Variants in HIP1 observed in about 807,000 individuals in gnomAD.
HIP1 encodes huntingtin-interacting protein 1.
A neutral mutation model predicts 147.6 loss-of-function variants in HIP1; 65 were observed. The ratio of observed to expected loss-of-function variants is 0.44; its 90% confidence interval spans 0.36 to 0.54. The LOEUF (loss-of-function observed/expected upper bound fraction) is 0.54, where lower values mean the gene tolerates loss of function less well. HIP1 is among the 20% of genes least tolerant of loss of function. The pLI is 0.00. For synonymous variants in HIP1, 479 were observed against 504.0 expected, an observed-to-expected ratio of 0.95 and a Z score of 0.67; for missense variants, 1,061 against 1,299.6, an observed-to-expected ratio of 0.82 and a Z score of 2.82.
chr7:75,730,507 T>A (rs1196626698), intron 1 of HIP1, among the ~76,000 whole-genome samples: 2 of 150,898 alleles, frequency 1.3e-5, no homozygotes, highest in South Asian at 2.1e-4. Flanking sequence ...GCCCAGCTAA[T>A]TTTGTATTTT....
intron 1 of HIP1, chr7:75,611,972 T>C (rs966170247): frequency 2.9e-6 from 2 of 696,062 alleles, no homozygotes; most frequent in Non-Finnish European, 3.6e-6. Context: ...TGGCCTTGCT[T>C]GTGTGGGGAG....
chr7:75,659,501 TA>T (rs1428694207), intron 1 of HIP1, among the ~76,000 whole-genome samples: 2 of 151,592 alleles, frequency 1.3e-5, no homozygotes, highest in African/African-American at 4.8e-5. Context: ...ATACAAAAAT[TA>T]GCCAGGTATG....
At chr7:75,729,512 G>A (rs954636526) in intron 1 of HIP1, among the ~76,000 whole-genome samples, 5 of 151,760 alleles carry the variant, frequency 3.3e-5, no homozygotes, top group Non-Finnish European at 5.9e-5. Flanking sequence ...GCGGCCGGGC[G>A]CAATGGCTCA....
rs1415551307 is a variant in HIP1, at chr7:75,586,654, T to G, written c.465+99A>C. 1.3e-5 allele frequency: 10 copies of G among 770,738 alleles called. No homozygotes were observed. The East Asian group carries it at 2.1e-4, about 16-fold the overall frequency. 47.7% of individuals were successfully genotyped at this position (770,738 alleles called of 1,614,324 possible). A position where few individuals can be genotyped will look rare whatever the true frequency, so the allele number is the denominator to read the frequency against. On this transcript the variant is annotated intron_variant, in intron 5 of 30. Coordinates refer to ENST00000336926, the MANE Select transcript of HIP1 (RefSeq NM_005338.7). ...CACACTTCCTCAGAAGCCTGGGCTGTCTATTACCTGAAAGAGCTGACAAAT... is the reference window on the plus strand; with the variant it reads ...CACACTTCCTCAGAAGCCTGGGCTGGCTATTACCTGAAAGAGCTGACAAAT...
Position 75,731,208 on chromosome 7 carries a change from C to T in HIP1, c.120+7593G>A, listed in dbSNP as rs184963145. On this transcript the variant is annotated intron_variant, in intron 1 of 30. Transcript: ENST00000336926. ...TTTAAGAAGCCAGTTCTGGGCCAGG[C>T]GCAGTTGCTCCCGCCTGTAATCCCA... 1.4e-4 allele frequency among the ~76,000 whole-genome samples: 22 copies of T among 151,926 alleles called. 1 individual carries two copies. In the East Asian group the frequency reaches 3.7e-3, roughly 26 times the overall value.
chr7:75,542,128 T>A, intron 28 of HIP1, 148 bp from the exon 29 acceptor site: 1 of 686,698 alleles, frequency 1.5e-6, no homozygotes, highest in Non-Finnish European at 2.7e-6. Flanking sequence ...CAGACAACGG[T>A]GGCTCACTCC....
At chr7:75,607,715 A>G (rs1797283260) in intron 1 of HIP1, among the ~76,000 whole-genome samples, 1 of 151,614 alleles carries the variant, frequency 6.6e-6, no homozygotes, top group African/African-American at 2.4e-5. Flanking sequence ...CTATCTCTAA[A>G]ATAAATAAAT....
intron 1 of HIP1, among the ~76,000 whole-genome samples, chr7:75,694,279 C>A (rs1237706389): frequency 6.6e-6 from 1 of 152,068 alleles, no homozygotes; most frequent in African/African-American, 2.4e-5. Flanking sequence ...GGAATCCCCT[C>A]ATTAACCCTG....
At chr7:75,563,904 T>C (rs987230000) in intron 9 of HIP1, among the ~76,000 whole-genome samples, 1 of 152,132 alleles carries the variant, frequency 6.6e-6, no homozygotes, top group African/African-American at 2.4e-5. Context: ...CTCTCTCTCT[T>C]TTTGTAGAGG....
At chr7:75,724,766 T>C (rs1801602517) in intron 1 of HIP1, among the ~76,000 whole-genome samples, 1 of 151,882 alleles carries the variant, frequency 6.6e-6, no homozygotes, top group African/African-American at 2.4e-5. Context: ...AAGCCACAAC[T>C]TGGGCATGTG....
At chr7:75,700,097 C>T (rs922032875) in intron 1 of HIP1, among the ~76,000 whole-genome samples, 5 of 152,146 alleles carry the variant, frequency 3.3e-5, no homozygotes, top group Non-Finnish European at 7.3e-5. Context: ...GTGATCCGCC[C>T]GCATCGGCCT....
intron 4 of HIP1, among the ~76,000 whole-genome samples, chr7:75,591,567 G>A (rs1386157168): frequency 6.6e-6 from 1 of 151,932 alleles, no homozygotes; most frequent in African/African-American, 2.4e-5. Context: ...TGACTCCAAC[G>A]GGACCAGTGG....
chr7:75,583,403 C>G (rs1191412107), intron 5 of HIP1, among the ~76,000 whole-genome samples: 4 of 152,164 alleles, frequency 2.6e-5, no homozygotes, highest in Non-Finnish European at 5.9e-5. Flanking sequence ...CCGTCTCAGT[C>G]AGCTCGGGCA....
intron 1 of HIP1, chr7:75,639,363 C>T (rs1239441629): frequency 4.5e-6 from 1 of 224,046 alleles, no homozygotes; most frequent in Non-Finnish European, 7.4e-6. Context: ...GCCCGAGCCC[C>T]CGGGGACCGG....
intron 1 of HIP1, among the ~76,000 whole-genome samples, chr7:75,664,463 T>C: frequency 9.0e-6 from 1 of 111,604 alleles, no homozygotes; most frequent in Non-Finnish European, 1.8e-5. Context: ...TACATATGTG[T>C]GTGTGTATAC....
Position 75,535,362 on chromosome 7 carries a change from C to CT in HIP1, c.*2809dup, listed in dbSNP as rs879981616. The CT allele has an allele frequency of 0.014, 2,413 of 171,304 alleles. 10 individuals are homozygous for CT. The highest frequency in any genetic ancestry group is 0.026 in the African/African-American group (1,093 of 41,294). 10.6% of individuals were successfully genotyped at this position (171,304 alleles called of 1,614,324 possible). A position where few individuals can be genotyped will look rare whatever the true frequency, so the allele number is the denominator to read the frequency against. On this transcript the variant is annotated 3_prime_UTR_variant, in exon 31 of 31. Coordinates refer to ENST00000336926, the MANE Select transcript of HIP1 (RefSeq NM_005338.7). The stretch of plus-strand genomic sequence containing the variant: ...CCTGGGCTGGGCTCTGACACAGAAT[C>CT]TTTTTTTTTTTGAGACAGGGTCTCA...
rs1554488395 is a variant in HIP1, at chr7:75,535,446, C to T, written c.*2726G>A. On this transcript the variant is annotated 3_prime_UTR_variant, in exon 31 of 31. Transcript: ENST00000336926. ...TCAGGGCTGACTGCAGCCTCGACTTCCCAAGCTCAAGCAATTCTCCCACCT... is the reference window on the plus strand; with the variant it reads ...TCAGGGCTGACTGCAGCCTCGACTTTCCAAGCTCAAGCAATTCTCCCACCT... The T allele has an allele frequency of 5.5e-6, 1 of 181,102 alleles. No homozygotes were observed. The highest frequency in any genetic ancestry group is 2.4e-5 in the African/African-American group (1 of 42,352). 11.2% of individuals were successfully genotyped at this position (181,102 alleles called of 1,614,324 possible).
chr7:75,644,799 C>T (rs1254036270), intron 1 of HIP1, among the ~76,000 whole-genome samples: 12 of 152,136 alleles, frequency 7.9e-5, no homozygotes, highest in East Asian at 1.9e-4. Flanking sequence ...CCCATGGGAA[C>T]GCCTGCAAGC....
At chr7:75,571,878 C>T (rs778895401) in intron 8 of HIP1, among the ~76,000 whole-genome samples, 23 of 152,106 alleles carry the variant, frequency 1.5e-4, no homozygotes, top group Non-Finnish European at 3.4e-4. Flanking sequence ...ACCACTGTGC[C>T]CACCCCAGAC....
Sources: allele counts gnomAD v4.1 joint callset (sites outside exome capture counted in the v4.1 genomes callset), GRCh38; gene constraint gnomAD v4.1.1; transcripts MANE v1.5; gene names NCBI Gene and HGNC (gene_info 2026-07-23, HGNC 2026-07-21).